The following TMUB2 variants were observed in gnomAD, a reference collection of about 807,000 sequenced individuals.
The protein encoded by TMUB2 is transmembrane and ubiquitin like domain containing 2.
Under a neutral mutation model 20.2 loss-of-function variants are expected in TMUB2, and 19 were observed. The observed-to-expected ratio is 0.94, with a 90% CI of 0.66 to 1.38. The LOEUF is 1.38. TMUB2 is among the 40% of genes most tolerant of loss of function. TMUB2 has a pLI of 0.00. For missense variants in TMUB2, 426 were observed against 402.5 expected, an observed-to-expected ratio of 1.06 and a Z score of -0.50; for synonymous variants, 186 against 166.0, an observed-to-expected ratio of 1.12 and a Z score of -0.92.
Position 44,187,754 on chromosome 17 carries a change from T to C in TMUB2, c.35+11T>C. 1.4e-6 allele frequency: 1 copy of C among 718,596 alleles called. No homozygotes were observed. The highest frequency in any genetic ancestry group is 2.6e-6 in the Non-Finnish European group (1 of 385,052). 44.5% of individuals were successfully genotyped at this position (718,596 alleles called of 1,614,324 possible). On this transcript the variant is annotated intron_variant, in intron 2 of 3. Transcript: ENST00000538716. ...AAACAACCTCATGAGGTAGGTACTG[T>C]TTTTAACCCCATTTTACTGATGAGA...
In TMUB2 at chr17:44,189,450, C is replaced by T. The variant is rs2055028765; in HGVS notation, c.464C>T (p.Pro155Leu). The change falls in exon 3 of 4, where the codon CCA becomes CTA. Residue 155 changes from proline to leucine, a missense_variant. Physicochemically the swap from Pro to Leu is moderately conservative, Grantham distance 98. Transcript: ENST00000538716. ...KRQAGAGSSS[P>L]EAPLRSEDST... is the part of the protein sequence containing the mutation. ...CAAGCAGGTGCAGGCAGCAGCAGTC[C>T]AGAGGCCCCCCTGAGATCTGAGGAT... 1.2e-6 allele frequency: 2 copies of T among 1,613,976 alleles called. No individual in the cohort carries two copies. Among genetic ancestry groups the T allele is most frequent in the South Asian group, 2.2e-5 (2 of 91,092 alleles).
At position 44,190,801 on chromosome 17, in the gene TMUB2, T is replaced by C. The variant is rs1232081063; in HGVS notation, c.903T>C (p.Thr301=). Residue 301 remains threonine, a synonymous_variant, in exon 4 of 4, where the codon ACT becomes ACC. Transcript: ENST00000538716. ...GCCAATTCTTCACAGCACCTGCCAC[T>C]GTCTCCCTGGTGGGAGTCACCGTCT... ...NYRQFFTAPA[T]VSLVGVTVFF... 1.2e-6 allele frequency: 2 copies of C among 1,614,130 alleles called. No homozygotes were observed. The highest frequency in any genetic ancestry group is 1.7e-6 in the Non-Finnish European group (2 of 1,180,038).
rs1417842931 is a variant in TMUB2, at chr17:44,187,742, A to G, written c.34A>G (p.Ser12Gly). ...ISRHLQNNLM[S>G]VDPASSQAME... Reference sequence around the variant, plus strand: ...ACGTCATCTTCAAAACAACCTCATGAGGTAGGTACTGTTTTTAACCCCATT... The same window carrying G: ...ACGTCATCTTCAAAACAACCTCATGGGGTAGGTACTGTTTTTAACCCCATT... The change falls in exon 2 of 4, where the codon AGC (serine) becomes GGC (glycine). Residue 12 changes from serine (S) to glycine (G), a missense_variant and splice_region_variant. Transcript: ENST00000538716. 2.8e-6 allele frequency: 2 copies of G among 718,572 alleles called. No homozygotes were observed. The highest frequency in any genetic ancestry group is 2.0e-5 in the Admixed American group (1 of 50,016). The allele number at this position is 718,572 out of a possible 1,614,324, so 44.5% of individuals were successfully genotyped here. A position where few individuals can be genotyped will look rare whatever the true frequency, so the allele number is the denominator to read the frequency against.
At chr17:44,187,247 C>G (rs935890909) in intron 1 of TMUB2, 138 bp downstream of exon 1, 4 of 166,412 alleles carry the variant, frequency 2.4e-5, no homozygotes, top group Admixed American at 1.2e-4. Flanking sequence ...TTGTGACCCC[C>G]TTAGCCGACC....
rs1163738323 is a variant in TMUB2, at chr17:44,191,367, C to G, written c.*503C>G. ...GGAATGAAGATTGTGCCAGCCTTCT[C>G]TTATGGGCACCTAGCCGCCTTCACC... On this transcript the variant is annotated 3_prime_UTR_variant, in exon 4 of 4. Coordinates refer to ENST00000538716, the MANE Select transcript of TMUB2 (RefSeq NM_001076674.3). The G allele has an allele frequency of 2.0e-6, 2 of 988,020 alleles. No homozygotes were observed. Among genetic ancestry groups the G allele is most frequent in the Non-Finnish European group, 2.4e-6 (2 of 831,390 alleles). The allele number at this position is 988,020 out of a possible 1,614,324, so 61.2% of individuals were successfully genotyped here.
At chr17:44,187,968 T>A (rs1414024158) in intron 2 of TMUB2, 5 of 558,712 alleles carry the variant, frequency 8.9e-6, no homozygotes, top group Non-Finnish European at 1.3e-5. Flanking sequence ...GAGAAATACA[T>A]ACGATCCTTG....
chr17:44,187,868 GGCC>G, intron 2 of TMUB2, 125 bp downstream of exon 2: 1 of 689,508 alleles, frequency 1.5e-6, no homozygotes, highest in South Asian at 1.6e-5. Flanking sequence ...CTAACTCCAG[GGCC>G]GGTATATTAA....
At chr17:44,188,884 G>C in intron 2 of TMUB2, 138 bp from the exon 3 acceptor site, 1 of 1,385,706 alleles carries the variant, frequency 7.2e-7, no homozygotes, top group Non-Finnish European at 9.4e-7. Context: ...GAATTAGGAA[G>C]GTTTGTGCCC....
Position 44,190,664 on chromosome 17 carries a change from T to C in TMUB2, c.766T>C (p.Leu256=), listed in dbSNP as rs1468855314. ...GSAVPGPSAS[L]APSATEPPSL... is the part of the protein sequence containing the mutation. ...AGCTGTTCCAGGCCCCTCAGCCTCC[T>C]TGGCCCCCTCGGCCACTGAGCCACC... The change falls in exon 4 of 4, where the codon TTG becomes CTG. Residue 256 remains leucine, a synonymous_variant. Transcript: ENST00000538716. The C allele has an allele frequency of 9.3e-6, 15 of 1,614,222 alleles. No homozygotes were observed. The highest frequency in any genetic ancestry group is 2.2e-5 in the East Asian group (1 of 44,886).
Position 44,190,756 on chromosome 17 carries a change from G to A in TMUB2, c.858G>A (p.Trp286Ter). 14 of 1,614,188 alleles carry A rather than the reference G, an allele frequency of 8.7e-6. No homozygotes were observed. The highest frequency in any genetic ancestry group is 1.1e-5 in the Non-Finnish European group (13 of 1,180,036). The change falls in exon 4 of 4, where the codon TGG becomes TGA. Residue 286 changes from tryptophan (W) to a stop codon, truncating the protein, a stop_gained. Coordinates refer to ENST00000538716, the MANE Select transcript of TMUB2 (RefSeq NM_001076674.3). LOFTEE classifies it high-confidence loss of function. ...TTGTGGTGCTGTTGGGTGTGGTCTG[G>A]TACTTCCGAATCAATTACCGCCAAT... Reference protein sequence around the residue: ...PVFVVLLGVVWYFRINYRQFF... With the variant: ...PVFVVLLGVV
intron 1 of TMUB2, 89 bp from the exon 2 acceptor site, chr17:44,187,587 G>A (rs1184272466): frequency 1.5e-6 from 1 of 684,094 alleles, no homozygotes; most frequent in African/African-American, 1.8e-5. Context: ...TGTAAATCAT[G>A]GTTAATAACA....
At chr17:44,188,980 C>A (rs777431688) in intron 2 of TMUB2, 42 bp from the exon 3 acceptor site, 1 of 1,555,544 alleles carries the variant, frequency 6.4e-7, no homozygotes, top group Non-Finnish European at 8.7e-7. Context: ...CTGGTTGCAA[C>A]CCCTCAGGCT....
chr17:44,191,711 G>C lies in TMUB2; in HGVS notation c.*847G>C, dbSNP rs2055622216. 1 of 985,598 alleles carries C rather than the reference G, an allele frequency of 1.0e-6. No individual in the cohort carries two copies. The highest frequency in any genetic ancestry group is 1.7e-5 in the African/African-American group (1 of 57,222). 61.1% of individuals were successfully genotyped at this position (985,598 alleles called of 1,614,324 possible). On this transcript the variant is annotated 3_prime_UTR_variant, in exon 4 of 4. Coordinates refer to ENST00000538716, the MANE Select transcript of TMUB2 (RefSeq NM_001076674.3). ...GGGTCAGTGTCTGTGACTGAATAAAGTTCCATTTTGTGGTCCTGCAGCCTC... is the reference window on the plus strand; with the variant it reads ...GGGTCAGTGTCTGTGACTGAATAAACTTCCATTTTGTGGTCCTGCAGCCTC...
At chr17:44,187,359 A>C in intron 1 of TMUB2, 3 of 316,636 alleles carry the variant, frequency 9.5e-6, no homozygotes, top group Non-Finnish European at 1.8e-5. Context: ...ACGCCGAGGG[A>C]ATAGGACCAT....
chr17:44,187,337 G>A, intron 1 of TMUB2: 1 of 221,838 alleles, frequency 4.5e-6, no homozygotes, highest in Non-Finnish European at 9.1e-6. Context: ...TGGGCCCATG[G>A]ACCCCAGTCC....
Position 44,190,783 on chromosome 17 carries a change from C to T in TMUB2, c.885C>T (p.Phe295=), listed in dbSNP as rs756503433. The T allele has an allele frequency of 2.5e-6, 4 of 1,614,052 alleles. No individual in the cohort carries two copies. Among genetic ancestry groups the T allele is most frequent in the African/African-American group, 2.7e-5 (2 of 74,936 alleles). ...VWYFRINYRQ[F]FTAPATVSLV... ...ACTTCCGAATCAATTACCGCCAATT[C>T]TTCACAGCACCTGCCACTGTCTCCC... The change falls in exon 4 of 4, where the codon TTC becomes TTT. Residue 295 remains phenylalanine, a synonymous_variant. Coordinates refer to ENST00000538716, the MANE Select transcript of TMUB2 (RefSeq NM_001076674.3).
chr17:44,190,073 G>A (rs767014399), intron 3 of TMUB2: 4 of 167,822 alleles, frequency 2.4e-5, no homozygotes, highest in Admixed American at 5.9e-5. Context: ...GGGGCCTGTC[G>A]CGGTGGCTCA....
At position 44,191,603 on chromosome 17, in the gene TMUB2, T is replaced by TTGGCCAGCGTCCTACCC. The variant is rs2055596922; in HGVS notation, c.*742_*758dup. The TTGGCCAGCGTCCTACCC allele has an allele frequency of 2.8e-5, 28 of 985,856 alleles. No individual in the cohort carries two copies. The highest frequency in any genetic ancestry group is 3.4e-5 in the Non-Finnish European group (28 of 830,018). The allele number at this position is 985,856 out of a possible 1,614,324, so 61.1% of individuals were successfully genotyped here. A position where few individuals can be genotyped will look rare whatever the true frequency, so the allele number is the denominator to read the frequency against. On this transcript the variant is annotated 3_prime_UTR_variant, in exon 4 of 4. Coordinates refer to ENST00000538716, the MANE Select transcript of TMUB2 (RefSeq NM_001076674.3). ...TGTAAGCAAGAGACAGCACTGGCCCTTGGCCAGCGTCCTACCCTGCCCAAC... is the reference window on the plus strand; with the variant it reads ...TGTAAGCAAGAGACAGCACTGGCCCTTGGCCAGCGTCCTACCCTGGCCAGCGTCCTACCCTGCCCAAC...
rs1459681483 is a variant in TMUB2 at position 44,191,783 on chromosome 17, A to ATT, written c.*920_*921insTT. On this transcript the variant is annotated 3_prime_UTR_variant, in exon 4 of 4. Transcript: ENST00000538716. ...TTGCGCTGCCCCCAGGAAAATGGTA[A>ATT]TGAGAGTAGGTAGGCCGGGGCTACC... 2.0e-6 allele frequency: 2 copies of ATT among 978,118 alleles called. No homozygotes were observed. Among genetic ancestry groups the ATT allele is most frequent in the African/African-American group, 3.5e-5 (2 of 57,010 alleles). 60.6% of individuals were successfully genotyped at this position (978,118 alleles called of 1,614,324 possible). A position where few individuals can be genotyped will look rare whatever the true frequency, so the allele number is the denominator to read the frequency against.
Sources: allele counts gnomAD v4.1 joint callset, GRCh38; gene constraint gnomAD v4.1.1; transcripts MANE v1.5; gene names NCBI Gene and HGNC (gene_info 2026-07-23, HGNC 2026-07-21).